Variants in ESR1 observed in about 807,000 individuals in gnomAD.
ESR1 encodes estrogen receptor.
In ESR1, 12 loss-of-function variants were observed where a neutral mutation model predicts 52.7. That is an observed-to-expected ratio of 0.23 (90% confidence interval 0.15 to 0.37). The LOEUF (loss-of-function observed/expected upper bound fraction) is 0.37. Ranked by LOEUF, ESR1 falls within the 10% of genes least tolerant of loss-of-function variation. ESR1 has a pLI of 1.00. For synonymous variants in ESR1, 305 were observed against 316.8 expected, an observed-to-expected ratio of 0.96 and a Z score of 0.39; for missense variants, 584 against 779.7, an observed-to-expected ratio of 0.75 and a Z score of 2.99.
chr6:152,122,717 T>C, intron 6 of ESR1: 2 of 1,612,368 alleles, frequency 1.2e-6, no homozygotes, highest in Non-Finnish European at 1.7e-6. Flanking sequence ...ATAACTCCAG[T>C]GTCGGAGGGA....
At chr6:152,005,425 C>A (rs117692720) in intron 4 of ESR1, among the ~76,000 whole-genome samples, 1 of 151,824 alleles carries the variant, frequency 6.6e-6, no homozygotes, top group South Asian at 2.1e-4. Context: ...ACAGAAAATA[C>A]AACATGACAT....
intron 2 of ESR1, among the ~76,000 whole-genome samples, chr6:151,779,621 C>G (rs191306177): frequency 6.6e-6 from 1 of 152,210 alleles, no homozygotes; most frequent in African/African-American, 2.4e-5. Flanking sequence ...TGTGGCGATT[C>G]CTCAAGGATC....
chr6:151,891,713 T>C (rs539680244), intron 3 of ESR1, among the ~76,000 whole-genome samples: 1 of 152,254 alleles, frequency 6.6e-6, no homozygotes, highest in East Asian at 1.9e-4. Flanking sequence ...TAACATAAAG[T>C]GTCATGAGAG....
intron 1 of ESR1, among the ~76,000 whole-genome samples, chr6:151,683,362 T>C (rs1179344748): frequency 6.6e-6 from 1 of 151,680 alleles, no homozygotes. Context: ...GCAAGGTGAA[T>C]GCAGGTCTCT....
At chr6:152,109,500 T>C (rs2051105918) in intron 6 of ESR1, among the ~76,000 whole-genome samples, 1 of 148,668 alleles carries the variant, frequency 6.7e-6, no homozygotes, top group Non-Finnish European at 1.5e-5. Context: ...ACTCCGTCTC[T>C]ACCAAAAAAA....
Position 151,753,745 on chromosome 6 carries a change from G to A in ESR1, c.-71+51740G>A, listed in dbSNP as rs9918470. Among the ~76,000 whole-genome samples the A allele has an allele frequency of 8.9e-3, 1,363 of 152,310 alleles. 27 individuals are homozygous for A. Among genetic ancestry groups the A allele is most frequent in the African/African-American group, 0.032 (1,320 of 41,562 alleles). On this transcript the variant is annotated intron_variant, in intron 2 of 2. Coordinates refer to the ESR1 transcript ENST00000404742. ...AGTTTGGCTTAACTTTGTTGACATG[G>A]AATTTCTATATCCTCCAGTTTCTGG...
intron 4 of ESR1, among the ~76,000 whole-genome samples, chr6:151,982,958 A>C (rs1017950075): frequency 6.6e-6 from 1 of 152,148 alleles, no homozygotes; most frequent in Admixed American, 6.5e-5. Flanking sequence ...AAGTAAATTC[A>C]CATAACCAAG....
chr6:152,063,129 T>A (rs34229233), intron 6 of ESR1, among the ~76,000 whole-genome samples: 3,626 of 152,278 alleles, frequency 0.024, 62 homozygotes, highest in Non-Finnish European at 0.036. Context: ...CCTGTCTGCC[T>A]CCTTCTCAGA....
chr6:151,751,662 G>A (rs1043624554), intron 2 of ESR1, among the ~76,000 whole-genome samples: 1 of 152,162 alleles, frequency 6.6e-6, no homozygotes, highest in Non-Finnish European at 1.5e-5. Context: ...CTGGTAAAAT[G>A]TGATCCAATT....
At chr6:151,815,959 A>G (rs966869461) in intron 1 of ESR1, among the ~76,000 whole-genome samples, 1 of 152,184 alleles carries the variant, frequency 6.6e-6, no homozygotes, top group Non-Finnish European at 1.5e-5. Flanking sequence ...ATGGTCCTGA[A>G]GTACTGTCTA....
chr6:151,995,788 A>C (rs1177720547), intron 4 of ESR1, among the ~76,000 whole-genome samples: 1 of 152,214 alleles, frequency 6.6e-6, no homozygotes, highest in Non-Finnish European at 1.5e-5. Context: ...ACTGCTAATG[A>C]GCTAACACTT....
At chr6:151,979,933 G>T (rs2039833489) in intron 4 of ESR1, among the ~76,000 whole-genome samples, 1 of 152,074 alleles carries the variant, frequency 6.6e-6, no homozygotes, top group Admixed American at 6.5e-5. Context: ...TTATACAGTG[G>T]TCATTAAGAA....
chr6:152,086,771 C>T (rs2049757089), intron 6 of ESR1, among the ~76,000 whole-genome samples: 1 of 152,074 alleles, frequency 6.6e-6, no homozygotes, highest in Non-Finnish European at 1.5e-5. Flanking sequence ...AGCAAAAACA[C>T]TCATCTTCAC....
intron 3 of ESR1, among the ~76,000 whole-genome samples, chr6:151,886,561 A>T (rs923829244): frequency 2.6e-5 from 4 of 152,234 alleles, no homozygotes; most frequent in Non-Finnish European, 2.9e-5. Flanking sequence ...AGACAGGGAA[A>T]TATACATGTG....
intron 3 of ESR1, among the ~76,000 whole-genome samples, chr6:151,912,456 A>T (rs1798412858): frequency 6.6e-6 from 1 of 152,200 alleles, no homozygotes; most frequent in Non-Finnish European, 1.5e-5. Context: ...CATAGAGGTT[A>T]TCTCCTTTGC....
chr6:151,658,919 A>G (rs1288252368), intron 1 of ESR1, among the ~76,000 whole-genome samples: 1 of 152,250 alleles, frequency 6.6e-6, no homozygotes, highest in Non-Finnish European at 1.5e-5. Flanking sequence ...GTGGGCATAG[A>G]TGAGCAAGAA....
intron 1 of ESR1, among the ~76,000 whole-genome samples, chr6:151,668,630 T>A (rs1373044150): frequency 3.9e-5 from 6 of 152,098 alleles, no homozygotes. Context: ...ATTTCATTCA[T>A]GAGGGAAGGG....
chr6:152,122,585 G>A, intron 6 of ESR1: 1 of 1,614,218 alleles, frequency 6.2e-7, no homozygotes, highest in Non-Finnish European at 8.5e-7. Context: ...TGAAGGGGAA[G>A]AGCTGCTCGG....
intron 3 of ESR1, among the ~76,000 whole-genome samples, chr6:151,892,623 T>C (rs1794859445): frequency 6.9e-6 from 1 of 144,206 alleles, no homozygotes; most frequent in Non-Finnish European, 1.5e-5. Flanking sequence ...AGAGATGTAA[T>C]AATCATGACT....
Sources: gnomAD v4.1 joint callset for allele counts (sites outside exome capture counted in the v4.1 genomes callset) on GRCh38, gnomAD v4.1.1 for gene constraint, MANE v1.5 for transcripts, NCBI Gene and HGNC (gene_info 2026-07-23, HGNC 2026-07-21) for gene names.